ATXN7: variants seen among roughly 807,000 people sequenced by gnomAD.
ATXN7 encodes ataxin-7.
In ATXN7, 12 loss-of-function variants were observed where a neutral mutation model predicts 70.5. The ratio of observed to expected loss-of-function variants is 0.17; its 90% CI spans 0.11 to 0.28. ATXN7 has a LOEUF of 0.28. Ranked by LOEUF, ATXN7 falls within the 10% of genes least tolerant of loss-of-function variation. The probability of loss-of-function intolerance (pLI) is 1.00; values close to 1 mark genes in which losing one functional copy is unlikely to be tolerated. For missense variants in ATXN7, 1,256 were observed against 1,131.7 expected, an observed-to-expected ratio of 1.11 and a Z score of -1.58; for synonymous variants, 498 against 448.7, an observed-to-expected ratio of 1.11 and a Z score of -1.39.
chr3:63,968,208 C>T (rs769818092), intron 5 of ATXN7, among the ~76,000 whole-genome samples: 1 of 152,072 alleles, frequency 6.6e-6, no homozygotes, highest in African/African-American at 2.4e-5. Context: ...AGGGGATCAG[C>T]GTGGGTAATC....
At position 63,892,405 on chromosome 3, in the gene ATXN7, CA is replaced by C. The variant is rs1559622006; in HGVS notation, c.-110-5993del. 2.6e-3 allele frequency among the ~76,000 whole-genome samples: 391 copies of C among 150,446 alleles called. 2 individuals are homozygous for C. Among genetic ancestry groups the C allele is most frequent in the East Asian group, 5.3e-3 (27 of 5,084 alleles). ...ACACACACACACACACACACACACA[CA>C]CACACCCGCCAACTCCTGTCAACAG... On this transcript the variant is annotated intron_variant, in intron 1 of 12. Coordinates refer to ENST00000674280, the MANE Select transcript of ATXN7 (RefSeq NM_001377405.1).
intron 5 of ATXN7, among the ~76,000 whole-genome samples, chr3:63,973,230 G>A (rs1298704596): frequency 2.0e-5 from 3 of 152,082 alleles, no homozygotes; most frequent in East Asian, 3.9e-4. Context: ...TATTTGATTT[G>A]GATTCTATTC....
At chr3:63,988,585 C>G in intron 9 of ATXN7, 1 of 428,614 alleles carries the variant, frequency 2.3e-6, no homozygotes, top group South Asian at 2.7e-5. Flanking sequence ...TCAAGTGTCT[C>G]AACTCTGTTG....
chr3:63,998,198 G>GA (rs148077708), intron 12 of ATXN7: 1 of 478,528 alleles, frequency 2.1e-6, no homozygotes, highest in African/African-American at 2.8e-5. Flanking sequence ...AAAAAGGACA[G>GA]AAGGGGGGGG....
intron 5 of ATXN7, among the ~76,000 whole-genome samples, chr3:63,973,747 G>A (rs2075351416): frequency 6.6e-6 from 1 of 151,976 alleles, no homozygotes; most frequent in Admixed American, 6.6e-5. Flanking sequence ...AATGAAAACG[G>A]CTTTCAAGCA....
At chr3:63,878,164 A>T (rs1702799955) in intron 1 of ATXN7, among the ~76,000 whole-genome samples, 1 of 152,160 alleles carries the variant, frequency 6.6e-6, no homozygotes. Flanking sequence ...GGTCTGAAAA[A>T]CTAGTAAAAG....
At chr3:63,884,516 T>C (rs1703022282) in intron 1 of ATXN7, among the ~76,000 whole-genome samples, 1 of 152,122 alleles carries the variant, frequency 6.6e-6, no homozygotes, top group East Asian at 1.9e-4. Flanking sequence ...CATACTGGTA[T>C]AAATAAATGG....
At chr3:63,890,165 G>A (rs193223984) in intron 1 of ATXN7, among the ~76,000 whole-genome samples, 3 of 152,286 alleles carry the variant, frequency 2.0e-5, no homozygotes, top group African/African-American at 7.2e-5. Context: ...CTAAGCAACT[G>A]TTTGTAGCAA....
In ATXN7 at chr3:64,001,874, C is replaced by T. The variant is rs1015268115; in HGVS notation, c.*2407C>T. 6.6e-6 allele frequency: 1 copy of T among 151,992 alleles called. No individual in the cohort carries two copies. The highest frequency in any genetic ancestry group is 1.5e-5 in the Non-Finnish European group (1 of 67,976). The allele number at this position is 151,992 out of a possible 1,614,324, so 9.4% of individuals were successfully genotyped here. On this transcript the variant is annotated 3_prime_UTR_variant, in exon 13 of 13. Transcript: ENST00000674280. ...CAAGTATTTTTTTGAATTAAATTAA[C>T]TTGCAAAAACCAAATTTGCAGTGGT...
chr3:63,911,342 T>C (rs1246757040), intron 2 of ATXN7, among the ~76,000 whole-genome samples: 1 of 152,180 alleles, frequency 6.6e-6, no homozygotes. Context: ...GTTGTGTATG[T>C]TGGGGAGGGG....
Position 63,866,409 on chromosome 3 carries a change from C to A in ATXN7, c.-111+2251C>A, listed in dbSNP as rs142096507. ...GGGACTACCGGCATGTTCCATGATG[C>A]CTGGCTAAGTTTTTTATTTTTATTT... On this transcript the variant is annotated intron_variant, in intron 1 of 12. Transcript: ENST00000674280. 2.7e-3 allele frequency among the ~76,000 whole-genome samples: 405 copies of A among 152,096 alleles called. 2 individuals are homozygous for A. Among genetic ancestry groups the A allele is most frequent in the African/African-American group, 9.2e-3 (382 of 41,482 alleles).
At chr3:63,925,733 A>G (rs1704690992) in intron 4 of ATXN7, among the ~76,000 whole-genome samples, 1 of 152,210 alleles carries the variant, frequency 6.6e-6, no homozygotes, top group Admixed American at 6.5e-5. Context: ...TTGAGGTGGA[A>G]TCCTGTCAGA....
Position 63,996,385 on chromosome 3 carries a change from A to G in ATXN7, c.2563A>G (p.Lys855Glu). 6.2e-7 allele frequency: 1 copy of G among 1,614,148 alleles called. No individual in the cohort carries two copies. Among genetic ancestry groups the G allele is most frequent in the South Asian group, 1.1e-5 (1 of 91,078 alleles). ...SINNSSSKPT[K>E]VAKVPAVNNV... Reference sequence around the variant, plus strand: ...CAACAACAGCAGCAGCAAACCCACAAAGGTTGCCAAAGTGCCAGCCGTGAA... The same window carrying G: ...CAACAACAGCAGCAGCAAACCCACAGAGGTTGCCAAAGTGCCAGCCGTGAA... Residue 855 changes from lysine (K) to glutamate (E), a missense_variant, in exon 12 of 13, where the codon AAG (lysine) becomes GAG (glutamate). Coordinates refer to ENST00000674280, the MANE Select transcript of ATXN7 (RefSeq NM_001377405.1).
chr3:63,863,285 C>G (rs916502725), upstream of ATXN7: 6 of 258,492 alleles, frequency 2.3e-5, no homozygotes, highest in African/African-American at 1.4e-4. Context: ...AAATTCCCGC[C>G]CCGTCCCTGG....
chr3:63,957,022 A>G (rs1300264280), intron 5 of ATXN7, among the ~76,000 whole-genome samples: 2 of 152,166 alleles, frequency 1.3e-5, no homozygotes, highest in Non-Finnish European at 2.9e-5. Flanking sequence ...AGTACTACTT[A>G]CATGCATTTA....
At chr3:63,912,549 C>T in intron 2 of ATXN7, 39 bp from the exon 3 acceptor site, 2 of 1,103,928 alleles carry the variant, frequency 1.8e-6, no homozygotes, top group Middle Eastern at 4.2e-4. Context: ...AAAACGGCCC[C>T]CGCGCGACTC....
chr3:63,977,198 A>G (rs1046053211), intron 5 of ATXN7, among the ~76,000 whole-genome samples: 3 of 152,200 alleles, frequency 2.0e-5, no homozygotes, highest in African/African-American at 7.2e-5. Flanking sequence ...ACAGACAAAA[A>G]TCATGAAAAA....
chr3:63,878,158 T>C (rs554204999), intron 1 of ATXN7, among the ~76,000 whole-genome samples: 1 of 152,294 alleles, frequency 6.6e-6, no homozygotes, highest in South Asian at 2.1e-4. Flanking sequence ...TCCTCAGGTC[T>C]GAAAAACTAG....
At chr3:63,988,556 G>A (rs2075615784) in intron 9 of ATXN7, 2 of 537,272 alleles carry the variant, frequency 3.7e-6, no homozygotes, top group Admixed American at 3.8e-5. Flanking sequence ...AGAGTTATCT[G>A]CTCTATACTT....
Sources: gnomAD v4.1 joint callset for allele counts (sites outside exome capture counted in the v4.1 genomes callset) on GRCh38, gnomAD v4.1.1 for gene constraint, MANE v1.5 for transcripts, NCBI Gene and HGNC (gene_info 2026-07-23, HGNC 2026-07-21) for gene names.